The following EXOC6 variants were observed in gnomAD, a reference collection of about 807,000 sequenced individuals.
The protein encoded by EXOC6 is exocyst complex component 6, also known as SEC15-like 1.
In EXOC6, 60 loss-of-function variants were observed where a neutral mutation model predicts 112.5. The ratio of observed to expected loss-of-function variants is 0.53; its 90% CI spans 0.43 to 0.66. EXOC6 has a LOEUF of 0.66. Among genes scored for constraint, EXOC6 ranks in the 30% least tolerant of loss-of-function variants. The pLI, the probability that EXOC6 is intolerant of heterozygous loss-of-function variation, is 0.00. For missense variants in EXOC6, 855 were observed against 957.1 expected, an observed-to-expected ratio of 0.89 and a Z score of 1.41; for synonymous variants, 295 against 308.0, an observed-to-expected ratio of 0.96 and a Z score of 0.44.
intron 20 of EXOC6, among the ~76,000 whole-genome samples, chr10:93,048,361 TTTA>T (rs1846106417): frequency 6.6e-6 from 1 of 152,092 alleles, no homozygotes; most frequent in African/African-American, 2.4e-5. Context: ...ATTGAAGGTT[TTTA>T]TTATTTTTCA....
intron 17 of EXOC6, among the ~76,000 whole-genome samples, chr10:92,970,579 T>C (rs1325210469): frequency 6.6e-6 from 1 of 152,210 alleles, no homozygotes; most frequent in East Asian, 1.9e-4. Context: ...TTCATTAAAA[T>C]TTCAATTCAT....
intron 6 of EXOC6, among the ~76,000 whole-genome samples, chr10:92,913,400 G>A (rs1204538873): frequency 6.6e-6 from 1 of 152,038 alleles, no homozygotes; most frequent in East Asian, 1.9e-4. Flanking sequence ...ATGCAGATAA[G>A]ACCACACCAC....
chr10:92,885,159 C>T (rs1350580309), intron 1 of EXOC6, among the ~76,000 whole-genome samples: 1 of 152,140 alleles, frequency 6.6e-6, no homozygotes, highest in Admixed American at 6.5e-5. Context: ...TAATCAGTTA[C>T]AGCGAGTTAA....
chr10:93,029,081 G>T (rs938988709), intron 20 of EXOC6, among the ~76,000 whole-genome samples: 1 of 152,072 alleles, frequency 6.6e-6, no homozygotes, highest in Non-Finnish European at 1.5e-5. Flanking sequence ...ATCACCACCC[G>T]AATGAGTCAG....
At chr10:92,996,403 A>G (rs1270565469) in intron 18 of EXOC6, among the ~76,000 whole-genome samples, 3 of 152,242 alleles carry the variant, frequency 2.0e-5, no homozygotes, top group South Asian at 2.1e-4. Context: ...GGCGGATCAC[A>G]AGGTCAGATC....
intron 18 of EXOC6, among the ~76,000 whole-genome samples, chr10:92,976,051 G>A (rs1294327216): frequency 6.9e-6 from 1 of 145,520 alleles, no homozygotes; most frequent in Admixed American, 6.7e-5. Context: ...GAGGTGGGGG[G>A]GGGGGTCAGC....
chr10:93,052,706 G>A (rs551377261), intron 20 of EXOC6, among the ~76,000 whole-genome samples: 6 of 152,254 alleles, frequency 3.9e-5, no homozygotes, highest in African/African-American at 1.4e-4. Context: ...GATTTAAGGT[G>A]GAATTACTTT....
intron 1 of EXOC6, among the ~76,000 whole-genome samples, chr10:92,839,004 CGGAGGTTGCTGTAAG>C (rs1451731611): frequency 2.0e-5 from 3 of 151,648 alleles, no homozygotes; most frequent in Non-Finnish European, 2.9e-5. Flanking sequence ...ACCTGGGAGG[CGGAGGTTGCTGTAAG>C]CCGAGATCGG....
intron 1 of EXOC6, among the ~76,000 whole-genome samples, chr10:92,838,900 C>G (rs1167813174): frequency 6.6e-6 from 1 of 152,094 alleles, no homozygotes; most frequent in Non-Finnish European, 1.5e-5. Context: ...GGCAAAACCT[C>G]ATCTCTACTG....
intron 8 of EXOC6, among the ~76,000 whole-genome samples, chr10:92,923,988 AT>A (rs1851577346): frequency 6.6e-6 from 1 of 152,004 alleles, no homozygotes; most frequent in Non-Finnish European, 1.5e-5. Context: ...CTTCCTTTCC[AT>A]TTTTGCACAA....
chr10:92,848,210 G>A (rs962496015), upstream of EXOC6, among the ~76,000 whole-genome samples: 1 of 152,086 alleles, frequency 6.6e-6, no homozygotes, highest in East Asian at 1.9e-4. Flanking sequence ...CACAGGGTGT[G>A]GCACACACAG....
chr10:92,853,998 T>C (rs893583403), intron 1 of EXOC6, among the ~76,000 whole-genome samples: 1 of 116,630 alleles, frequency 8.6e-6, no homozygotes, highest in Non-Finnish European at 1.7e-5. Flanking sequence ...ACAGAGTGAG[T>C]CCCTGTCTCA....
At chr10:93,011,041 T>C (rs1844217541) in intron 19 of EXOC6, among the ~76,000 whole-genome samples, 1 of 152,130 alleles carries the variant, frequency 6.6e-6, no homozygotes, top group South Asian at 2.1e-4. Context: ...AAGTAGATAA[T>C]AACTATATGT....
intron 19 of EXOC6, among the ~76,000 whole-genome samples, chr10:93,007,149 T>A (rs569322070): frequency 6.6e-6 from 1 of 152,302 alleles, no homozygotes; most frequent in East Asian, 1.9e-4. Flanking sequence ...TGAGTTTAAT[T>A]TCAGAGTAGG....
At chr10:92,975,443 C>T (rs1232652839) in intron 18 of EXOC6, among the ~76,000 whole-genome samples, 6 of 149,408 alleles carry the variant, frequency 4.0e-5, no homozygotes, top group East Asian at 2.0e-4. Flanking sequence ...GGAGCGTCTC[C>T]GCCCGGCAGC....
rs79130503 is a variant in EXOC6 at position 92,959,865 on chromosome 10, G to A, written c.1773+4151G>A. 2.4e-3 allele frequency among the ~76,000 whole-genome samples: 371 copies of A among 152,300 alleles called. 3 individuals are homozygous for A. Among genetic ancestry groups the A allele is most frequent in the African/African-American group, 8.4e-3 (349 of 41,568 alleles). On this transcript the variant is annotated intron_variant, in intron 17 of 21. Transcript: ENST00000260762. ...ATTCAGAACAATGACAACACCAAAC[G>A]CTGACAGGGATGTGGAGCAACAGAA... is the stretch of plus-strand genomic sequence containing the variant.
chr10:92,867,358 A>G (rs1848224208), intron 1 of EXOC6, among the ~76,000 whole-genome samples: 1 of 152,202 alleles, frequency 6.6e-6, no homozygotes, highest in Non-Finnish European at 1.5e-5. Context: ...CTTACTGGCC[A>G]TGCAGTAACT....
chr10:92,870,298 AG>A (rs1225004111), intron 1 of EXOC6, among the ~76,000 whole-genome samples: 1 of 152,138 alleles, frequency 6.6e-6, no homozygotes, highest in African/African-American at 2.4e-5. Flanking sequence ...TATCATGTTA[AG>A]GAAGTATTCA....
At chr10:92,850,338 G>T (rs1047778044) in intron 1 of EXOC6, among the ~76,000 whole-genome samples, 5 of 152,094 alleles carry the variant, frequency 3.3e-5, no homozygotes, top group Admixed American at 6.5e-5. Flanking sequence ...GTTTCAACTG[G>T]CTCATTTTGT....
Sources: gnomAD v4.1 joint callset for allele counts (sites outside exome capture counted in the v4.1 genomes callset) on GRCh38, gnomAD v4.1.1 for gene constraint, MANE v1.5 for transcripts, NCBI Gene and HGNC (gene_info 2026-07-23, HGNC 2026-07-21) for gene names.